Variants in TOGARAM2 observed in about 807,000 individuals in gnomAD.
The protein encoded by TOGARAM2 is TOG array regulator of axonemal microtubules 2.
In TOGARAM2, 85 loss-of-function variants were observed where a neutral mutation model predicts 93.3. The observed-to-expected ratio is 0.91, with a 90% CI of 0.76 to 1.09. TOGARAM2 has a LOEUF of 1.09. Among genes scored for constraint, TOGARAM2 ranks in the 50% least tolerant of loss-of-function variants. The pLI is 0.00. For missense variants in TOGARAM2, 1,277 were observed against 1,334.5 expected, an observed-to-expected ratio of 0.96 and a Z score of 0.67; for synonymous variants, 593 against 552.8, an observed-to-expected ratio of 1.07 and a Z score of -1.02.
intron 6 of TOGARAM2, among the ~76,000 whole-genome samples, chr2:29,006,764 G>C (rs2148309682): frequency 6.6e-6 from 1 of 152,172 alleles, no homozygotes; most frequent in East Asian, 1.9e-4. Flanking sequence ...TTCACCGTCA[G>C]CCTCCTCAGA....
chr2:28,975,158 T>C (rs1672007172), intron 1 of TOGARAM2, among the ~76,000 whole-genome samples: 1 of 152,068 alleles, frequency 6.6e-6, no homozygotes, highest in Non-Finnish European at 1.5e-5. Flanking sequence ...GTCTTGTGTT[T>C]CTTTGCTGAG....
Position 29,017,014 on chromosome 2 carries a change from G to T in TOGARAM2, c.1045-140G>T, listed in dbSNP as rs116725609. The T allele has an allele frequency of 1.3e-3, 1,360 of 1,031,870 alleles. 12 individuals are homozygous for T. The African/African-American group carries it at 0.019, about 15-fold the overall frequency. The allele number at this position is 1,031,870 out of a possible 1,614,324, so 63.9% of individuals were successfully genotyped here. A position where few individuals can be genotyped will look rare whatever the true frequency, so the allele number is the denominator to read the frequency against. ...TGTTGTCTCTCCCCCACACTTCAAA[G>T]CTCTTAAGGTGCAAGGAGTTTGTCT... On this transcript the variant is annotated intron_variant, in intron 8 of 19. Coordinates refer to ENST00000379558, the MANE Select transcript of TOGARAM2 (RefSeq NM_199280.4).
In TOGARAM2 at chr2:29,017,814, C is replaced by T. The variant is rs111953532; in HGVS notation, c.1218C>T (p.Ser406=). The change falls in exon 10 of 20, where the codon AGC becomes AGT. Residue 406 remains serine, a synonymous_variant. Transcript: ENST00000379558. ...CAGGCCTCCTTCCCCTCCGGGGCAG[C>T]GGGACACTGTCTGTGCCCACTAGGC... ...MKEGLLPLRG[S]GTLSVPTRLS... 24 of 1,610,928 alleles carry T rather than the reference C, an allele frequency of 1.5e-5. No individual in the cohort carries two copies. Among genetic ancestry groups the T allele is most frequent in the African/African-American group, 4.0e-5 (3 of 74,818 alleles).
intron 11 of TOGARAM2, among the ~76,000 whole-genome samples, chr2:29,022,665 C>T (rs1023635712): frequency 1.3e-5 from 2 of 152,206 alleles, no homozygotes; most frequent in Non-Finnish European, 1.5e-5. Flanking sequence ...GAATCTGCTC[C>T]GAGCGCTCCT....
At chr2:29,045,062 G>A (rs1666661283) in intron 18 of TOGARAM2, among the ~76,000 whole-genome samples, 1 of 152,094 alleles carries the variant, frequency 6.6e-6, no homozygotes, top group East Asian at 1.9e-4. Context: ...ATTTTGAGAC[G>A]CACAGGCAAT....
intron 3 of TOGARAM2, among the ~76,000 whole-genome samples, 151 bp downstream of exon 3, chr2:28,998,404 G>A (rs1364095153): frequency 6.6e-6 from 1 of 152,242 alleles, no homozygotes; most frequent in African/African-American, 2.4e-5. Context: ...TTCTTTCAAA[G>A]GCAGGTTCTT....
chr2:28,965,292 C>T (rs1671852589), intron 1 of TOGARAM2, among the ~76,000 whole-genome samples: 1 of 152,138 alleles, frequency 6.6e-6, no homozygotes, highest in Non-Finnish European at 1.5e-5. Flanking sequence ...TTAAGTGTGC[C>T]ACTCTGCTAT....
Position 28,999,411 on chromosome 2 carries a change from A to G in TOGARAM2, c.370A>G (p.Ile124Val), listed in dbSNP as rs764674439. ...ANSVARDTIQ[I>V]KDKLKKRRLS... ...CAGCGTGGCCAGGGACACCATCCAG[A>G]TTAAGGACAAGCTCAAGAAAAGGAG... The change falls in exon 4 of 20, where the codon ATT (isoleucine) becomes GTT (valine). Residue 124 changes from isoleucine to valine, a missense_variant. By Grantham distance (29) the Ile-to-Val change is conservative (BLOSUM62 3). Transcript: ENST00000379558. 6.2e-7 allele frequency: 1 copy of G among 1,613,324 alleles called. No homozygotes were observed. Among genetic ancestry groups the G allele is most frequent in the Non-Finnish European group, 8.5e-7 (1 of 1,179,654 alleles).
In TOGARAM2 at chr2:28,967,396, GC is replaced by G. The variant is rs572162724; in HGVS notation, c.-147+10702del. Reference sequence around the variant, plus strand: ...AAGATGAGGTGGGAGGATCCCTTGAGCCCAGGCACTTGAGGCTGTAGTGAGC... The same window carrying G: ...AAGATGAGGTGGGAGGATCCCTTGAGCCAGGCACTTGAGGCTGTAGTGAGC... On this transcript the variant is annotated intron_variant, in intron 1 of 6. Coordinates refer to the TOGARAM2 transcript ENST00000401723. 1.5e-3 allele frequency among the ~76,000 whole-genome samples: 221 copies of G among 152,206 alleles called. 1 individual carries two copies. The highest frequency in any genetic ancestry group is 3.1e-3 in the Admixed American group (47 of 15,268).
Position 29,022,297 on chromosome 2 carries a change from C to T in TOGARAM2, c.1500C>T (p.Asn500=), listed in dbSNP as rs751346781. Residue 500 remains asparagine, a synonymous_variant, in exon 11 of 20, where the codon AAC becomes AAT. Coordinates refer to ENST00000379558, the MANE Select transcript of TOGARAM2 (RefSeq NM_199280.4). ...LGLRDALQCL[N]SSDWQMKEKG... is the part of the protein sequence containing the mutation. ...TGAGGGATGCACTCCAGTGCCTCAA[C>T]AGCAGTGACTGGTGAGGAGATGCTT... is the stretch of plus-strand genomic sequence containing the variant. The T allele has an allele frequency of 1.5e-5, 25 of 1,613,872 alleles. No homozygotes were observed. Among genetic ancestry groups the T allele is most frequent in the Non-Finnish European group, 2.1e-5 (25 of 1,179,884 alleles).
intron 1 of TOGARAM2, among the ~76,000 whole-genome samples, chr2:28,959,924 CCGCTA>C (rs1455941723): frequency 4.6e-5 from 7 of 152,182 alleles, no homozygotes; most frequent in Non-Finnish European, 7.3e-5. Flanking sequence ...GCGGCACAGC[CCGCTA>C]CACATGTGGG....
In TOGARAM2 at chr2:28,960,660, T is replaced by A. The variant is rs150543627; in HGVS notation, c.-147+3963T>A. 5.3e-4 allele frequency among the ~76,000 whole-genome samples: 80 copies of A among 152,322 alleles called. 2 individuals carry two copies. The East Asian group carries it at 9.3e-3, about 18-fold the overall frequency. On this transcript the variant is annotated intron_variant, in intron 1 of 6. Coordinates refer to the TOGARAM2 transcript ENST00000401723. ...GATTAGATCATTTCCCTAAGTGAGT[T>A]TAACTCATTCCTGTACCCTCTGTAT...
At chr2:28,963,065 T>G (rs2148214844) in intron 1 of TOGARAM2, among the ~76,000 whole-genome samples, 1 of 152,132 alleles carries the variant, frequency 6.6e-6, no homozygotes, top group East Asian at 1.9e-4. Context: ...TGGGCTCACG[T>G]GATCTTCCCA....
chr2:29,042,962 C>G (rs1408856724), intron 18 of TOGARAM2, among the ~76,000 whole-genome samples: 1 of 152,198 alleles, frequency 6.6e-6, no homozygotes, highest in African/African-American at 2.4e-5. Context: ...TTACCTTGGC[C>G]TATCCTTGAC....
At position 29,033,018 on chromosome 2, in the gene TOGARAM2, C is replaced by A; in HGVS notation, c.2097C>A (p.Asp699Glu). Residue 699 changes from aspartate to glutamate, a missense_variant, in exon 15 of 20, where the codon GAC (aspartate) becomes GAA (glutamate). Asp to Glu is a conservative substitution (Grantham distance 45, BLOSUM62 2). Coordinates refer to ENST00000379558, the MANE Select transcript of TOGARAM2 (RefSeq NM_199280.4). ...AFLKQSLPSY[D>E]LQKVMAAIKQ... ...TGAAGCAATCTCTCCCATCTTACGA[C>A]TTGCAGAAGGTCATGGCGGCCATTA... The A allele has an allele frequency of 6.2e-7, 1 of 1,613,808 alleles. No homozygotes were observed. Among genetic ancestry groups the A allele is most frequent in the Non-Finnish European group, 8.5e-7 (1 of 1,179,846 alleles).
chr2:28,993,329 C>T (rs928785472), intron 1 of TOGARAM2, among the ~76,000 whole-genome samples: 2 of 152,124 alleles, frequency 1.3e-5, no homozygotes, highest in African/African-American at 4.8e-5. Context: ...AATCCCAGGA[C>T]CCCAGCTTGT....
chr2:29,031,539 A>C (rs1665765591), intron 14 of TOGARAM2, among the ~76,000 whole-genome samples: 1 of 152,254 alleles, frequency 6.6e-6, no homozygotes. Flanking sequence ...GAAATATTAC[A>C]CTATTATTTG....
intron 1 of TOGARAM2, among the ~76,000 whole-genome samples, chr2:28,985,135 G>A (rs1438161041): frequency 1.3e-5 from 2 of 152,264 alleles, no homozygotes; most frequent in African/African-American, 2.4e-5. Flanking sequence ...AGATGAGGTC[G>A]TGAGGGTGGT....
chr2:29,020,310 A>G (rs866370903), intron 10 of TOGARAM2, among the ~76,000 whole-genome samples: 1 of 149,392 alleles, frequency 6.7e-6, no homozygotes, highest in Non-Finnish European at 1.5e-5. Context: ...TATTGTAACT[A>G]GGGGCAAGGA....
Sources: allele counts gnomAD v4.1 joint callset (sites outside exome capture counted in the v4.1 genomes callset), GRCh38; gene constraint gnomAD v4.1.1; transcripts MANE v1.5; gene names NCBI Gene and HGNC (gene_info 2026-07-23, HGNC 2026-07-21).